The following EEF2K variants were observed in gnomAD, a reference collection of about 807,000 sequenced individuals.
EEF2K encodes eukaryotic elongation factor 2 kinase.
A neutral mutation model predicts 93.8 loss-of-function variants in EEF2K; 70 were observed. The observed-to-expected ratio is 0.75, with a 90% CI of 0.62 to 0.91. The LOEUF is 0.91. Among genes scored for constraint, EEF2K ranks in the 40% least tolerant of loss-of-function variants. The probability of loss-of-function intolerance (pLI) is 0.00; values close to 1 mark genes in which losing one functional copy is unlikely to be tolerated. For synonymous variants in EEF2K, 376 were observed against 380.8 expected, an observed-to-expected ratio of 0.99 and a Z score of 0.15; for missense variants, 935 against 972.9, an observed-to-expected ratio of 0.96 and a Z score of 0.52.
chr16:22,215,061 G>A (rs2046946237), intron 1 of EEF2K, among the ~76,000 whole-genome samples: 1 of 152,134 alleles, frequency 6.6e-6, no homozygotes, highest in South Asian at 2.1e-4. Flanking sequence ...GTTGTGGAAT[G>A]CGACCAATCA....
chr16:22,268,077 T>G (rs1012739800), intron 15 of EEF2K, among the ~76,000 whole-genome samples: 2 of 152,164 alleles, frequency 1.3e-5, no homozygotes, highest in Non-Finnish European at 2.9e-5. Context: ...GGTGAATGGA[T>G]CTCAGACTCG....
intron 1 of EEF2K, among the ~76,000 whole-genome samples, chr16:22,222,335 A>C (rs1256018597): frequency 6.6e-6 from 1 of 151,702 alleles, no homozygotes; most frequent in East Asian, 2.0e-4. Flanking sequence ...CCACCTGAGT[A>C]GCTGGGACTA....
At chr16:22,272,283 T>C (rs2047589625) in intron 15 of EEF2K, among the ~76,000 whole-genome samples, 1 of 152,148 alleles carries the variant, frequency 6.6e-6, no homozygotes, top group South Asian at 2.1e-4. Context: ...ACAACCCAAA[T>C]GTCTGTCAGT....
intron 2 of EEF2K, among the ~76,000 whole-genome samples, chr16:22,235,058 CA>C (rs1448192451): frequency 1.3e-5 from 2 of 150,902 alleles, no homozygotes; most frequent in South Asian, 4.2e-4. Context: ...ACTAAAAATA[CA>C]AAAAATTAGC....
intron 1 of EEF2K, among the ~76,000 whole-genome samples, chr16:22,212,127 TTG>T (rs2046920222): frequency 6.6e-6 from 1 of 152,210 alleles, no homozygotes; most frequent in Non-Finnish European, 1.5e-5. Context: ...TAATTATATT[TTG>T]TGTTTCATAT....
At chr16:22,222,555 C>T (rs1032722155) in intron 1 of EEF2K, among the ~76,000 whole-genome samples, 3 of 151,248 alleles carry the variant, frequency 2.0e-5, no homozygotes, top group Admixed American at 1.3e-4. Context: ...ATTCACATAC[C>T]TTACAATCTG....
intron 2 of EEF2K, among the ~76,000 whole-genome samples, chr16:22,241,657 A>C (rs1365475662): frequency 6.6e-6 from 1 of 151,484 alleles, no homozygotes; most frequent in Non-Finnish European, 1.5e-5. Context: ...AAAAAAAAAA[A>C]AAAAACATAT....
At chr16:22,268,330 C>T (rs1272497692) in intron 15 of EEF2K, among the ~76,000 whole-genome samples, 2 of 152,020 alleles carry the variant, frequency 1.3e-5, no homozygotes, top group African/African-American at 4.8e-5. Context: ...AGGTGCCTGC[C>T]ACCGCACCCA....
Position 22,266,877 on chromosome 16 carries a change from G to T in EEF2K, c.1764+1G>T, listed in dbSNP as rs1336795778. ...CATCCTAGCCGATGTCTCTCTGAAG[G>T]TGAGCAGGTGGCGGGGACCCAGCTG... On this transcript the variant is annotated splice_donor_variant, in intron 15 of 17. Transcript: ENST00000263026. LOFTEE classifies it high-confidence loss of function. The T allele has an allele frequency of 1.3e-6, 2 of 1,599,426 alleles. No homozygotes were observed. The highest frequency in any genetic ancestry group is 4.5e-5 in the East Asian group (2 of 44,564).
chr16:22,232,622 G>T (rs188620652), intron 2 of EEF2K, among the ~76,000 whole-genome samples: 6 of 152,306 alleles, frequency 3.9e-5, no homozygotes, highest in Admixed American at 2.6e-4. Context: ...TCATTCTCCA[G>T]TGTCGTTCTT....
Position 22,256,748 on chromosome 16 carries a change from G to A in EEF2K, c.619G>A (p.Val207Met). 6.2e-7 allele frequency: 1 copy of A among 1,613,686 alleles called. No individual in the cohort carries two copies. Residue 207 changes from valine (V) to methionine (M), a missense_variant and splice_region_variant, in exon 7 of 18, where the codon GTG becomes ATG. By Grantham distance (21) the Val-to-Met change is conservative. Transcript: ENST00000263026. ...CTGAGCCCACTCCCCATCCCACCAG[G>A]TGGACATCATGCAGATGTGCATCAT... ...EYNRHKPPKQ[V>M]DIMQMCIIEL...
At chr16:22,246,709 GTC>G (rs368218132) in intron 3 of EEF2K, among the ~76,000 whole-genome samples, 37 of 151,754 alleles carry the variant, frequency 2.4e-4, no homozygotes, top group African/African-American at 8.9e-4. Context: ...CTGCCCTCCT[GTC>G]TCTCACCCCT....
intron 1 of EEF2K, among the ~76,000 whole-genome samples, chr16:22,214,047 A>G (rs2046938162): frequency 6.6e-6 from 1 of 152,160 alleles, no homozygotes; most frequent in African/African-American, 2.4e-5. Flanking sequence ...GGTTATAATG[A>G]AATTTGCTTG....
chr16:22,228,703 C>G (rs1233028590), intron 2 of EEF2K, among the ~76,000 whole-genome samples: 1 of 152,142 alleles, frequency 6.6e-6, no homozygotes, highest in Non-Finnish European at 1.5e-5. Flanking sequence ...TAACACGTGA[C>G]AATTCTGAGA....
intron 2 of EEF2K, among the ~76,000 whole-genome samples, chr16:22,239,165 GA>G: frequency 6.6e-6 from 1 of 151,800 alleles, no homozygotes; most frequent in South Asian, 2.1e-4. Flanking sequence ...TCTGGGTTTG[GA>G]AAAAAGGTAA....
At position 22,286,844 on chromosome 16, in the gene EEF2K, G is replaced by C. The variant is rs544138394; in HGVS notation, c.*2848G>C. On this transcript the variant is annotated 3_prime_UTR_variant, in exon 18 of 18. Transcript: ENST00000263026. Reference sequence around the variant, plus strand: ...AGTGCACTCACCCTTTGAGGCTCTGGTTCCTCCAAACAATGATTCGTTGTC... The same window carrying C: ...AGTGCACTCACCCTTTGAGGCTCTGCTTCCTCCAAACAATGATTCGTTGTC... 6.6e-6 allele frequency: 1 copy of C among 152,238 alleles called. No individual in the cohort carries two copies. Among genetic ancestry groups the C allele is most frequent in the Non-Finnish European group, 1.5e-5 (1 of 68,090 alleles). 9.4% of individuals were successfully genotyped at this position (152,238 alleles called of 1,614,324 possible).
intron 6 of EEF2K, among the ~76,000 whole-genome samples, chr16:22,253,809 C>T (rs2047374067): frequency 1.3e-5 from 2 of 152,116 alleles, no homozygotes; most frequent in Middle Eastern, 3.4e-3. Context: ...GTAAATAATA[C>T]TGTGGTAGGC....
intron 2 of EEF2K, among the ~76,000 whole-genome samples, chr16:22,232,873 C>A (rs1011887579): frequency 6.7e-6 from 1 of 148,218 alleles, no homozygotes; most frequent in African/African-American, 2.5e-5. Flanking sequence ...ATCCCATAAA[C>A]CTAAGTGGTT....
At chr16:22,277,248 C>T (rs557375684) in intron 16 of EEF2K, among the ~76,000 whole-genome samples, 2 of 152,208 alleles carry the variant, frequency 1.3e-5, no homozygotes, top group East Asian at 3.9e-4. Flanking sequence ...GCTATCCTCC[C>T]GCCTCAGCCT....
Sources: gnomAD v4.1 joint callset for allele counts (sites outside exome capture counted in the v4.1 genomes callset) on GRCh38, gnomAD v4.1.1 for gene constraint, MANE v1.5 for transcripts, NCBI Gene and HGNC (gene_info 2026-07-23, HGNC 2026-07-21) for gene names.